The following AP3B1 variants were observed in gnomAD, a reference collection of about 807,000 sequenced individuals.
The protein encoded by AP3B1 is adaptor related protein complex 3 subunit beta 1.
AP3B1 carries 61 observed loss-of-function variants against 132.5 expected under a neutral mutation model. The observed-to-expected ratio is 0.46, with a 90% CI of 0.37 to 0.57. The LOEUF (loss-of-function observed/expected upper bound fraction) is 0.57, where lower values mean the gene tolerates loss of function less well. Ranked by LOEUF, AP3B1 falls within the 20% of genes least tolerant of loss-of-function variation. The pLI, the probability that AP3B1 is intolerant of heterozygous loss-of-function variation, is 0.00. For missense variants in AP3B1, 1,120 were observed against 1,289.4 expected (o/e 0.87, Z 2.01); for synonymous variants, 388 against 438.3 (o/e 0.89, Z 1.43).
intron 12 of AP3B1, among the ~76,000 whole-genome samples, chr5:78,163,456 A>G (rs1743472174): frequency 6.6e-6 from 1 of 152,090 alleles, no homozygotes; most frequent in South Asian, 2.1e-4. Flanking sequence ...AAAGAATAAT[A>G]GTTACGGTGA....
chr5:78,231,576 A>G (rs1294157378), intron 3 of AP3B1, among the ~76,000 whole-genome samples: 1 of 152,210 alleles, frequency 6.6e-6, no homozygotes, highest in East Asian at 1.9e-4. Context: ...ATCTAAATAG[A>G]CCACCAATTG....
rs917997628 is a variant in AP3B1 at position 78,148,951 on chromosome 5, T to A, written c.1473+7307A>T. Among the ~76,000 whole-genome samples, 3 of 152,270 alleles carry A rather than the reference T, an allele frequency of 2.0e-5. No homozygotes were observed. The South Asian group carries it at 6.2e-4, about 32-fold the overall frequency. ...GACTAGAGACACGACTGAATTTTGA[T>A]GCTTGGTGGATAGGAATGCTAGATG... On this transcript the variant is annotated intron_variant, in intron 14 of 26. Coordinates refer to ENST00000255194, the MANE Select transcript of AP3B1 (RefSeq NM_003664.5).
At chr5:78,205,712 T>C (rs1199646832) in intron 7 of AP3B1, among the ~76,000 whole-genome samples, 1 of 152,094 alleles carries the variant, frequency 6.6e-6, no homozygotes, top group East Asian at 1.9e-4. Flanking sequence ...GCATGTCAAA[T>C]GGATAACTAA....
At chr5:78,049,296 C>T (rs537283120) in intron 22 of AP3B1, among the ~76,000 whole-genome samples, 1 of 152,300 alleles carries the variant, frequency 6.6e-6, no homozygotes, top group Admixed American at 6.5e-5. Flanking sequence ...TTTCACAGCT[C>T]TCTGTCCAAT....
chr5:78,178,013 GA>G (rs1329403238), intron 8 of AP3B1, among the ~76,000 whole-genome samples: 1 of 150,742 alleles, frequency 6.6e-6, no homozygotes, highest in South Asian at 2.1e-4. Context: ...TACATCCTCA[GA>G]AAAAAAAAGA....
intron 6 of AP3B1, among the ~76,000 whole-genome samples, chr5:78,216,938 T>C (rs1412737831): frequency 6.6e-6 from 1 of 152,146 alleles, no homozygotes; most frequent in African/African-American, 2.4e-5. Context: ...TGAACTGTGA[T>C]GCTTTTACAA....
intron 7 of AP3B1, among the ~76,000 whole-genome samples, chr5:78,214,215 T>C (rs993227903): frequency 6.6e-6 from 1 of 152,232 alleles, no homozygotes; most frequent in African/African-American, 2.4e-5. Flanking sequence ...TCCTAATTCA[T>C]GTTCATGGAG....
At chr5:78,280,709 G>A (rs1749013296) in intron 1 of AP3B1, among the ~76,000 whole-genome samples, 1 of 152,040 alleles carries the variant, frequency 6.6e-6, no homozygotes, top group Admixed American at 6.6e-5. Context: ...AACTTTCCAA[G>A]GCCACAGAAG....
chr5:78,222,196 G>A (rs1746207849), intron 6 of AP3B1: 1 of 152,682 alleles, frequency 6.5e-6, no homozygotes, highest in Admixed American at 6.5e-5. Flanking sequence ...TGGCCAGTCA[G>A]TCTCAGGGGA....
intron 2 of AP3B1, among the ~76,000 whole-genome samples, chr5:78,259,705 C>T (rs1027094504): frequency 8.6e-5 from 13 of 152,040 alleles, no homozygotes; most frequent in South Asian, 2.1e-4. Context: ...CAGTGGCTCA[C>T]GCCTGTAATC....
chr5:78,146,386 C>T (rs1397748554), intron 14 of AP3B1, among the ~76,000 whole-genome samples: 1 of 152,194 alleles, frequency 6.6e-6, no homozygotes, highest in Non-Finnish European at 1.5e-5. Context: ...TCAGTTTCCT[C>T]AGATACGTTA....
chr5:78,191,784 A>C (rs1744844533), intron 7 of AP3B1, among the ~76,000 whole-genome samples: 1 of 152,214 alleles, frequency 6.6e-6, no homozygotes, highest in African/African-American at 2.4e-5. Flanking sequence ...GGTATCAAGA[A>C]GGGGGCTTAT....
At chr5:78,156,455 A>G in intron 13 of AP3B1, 88 bp from the exon 14 acceptor site, 1 of 999,486 alleles carries the variant, frequency 1.0e-6, no homozygotes, top group Admixed American at 1.8e-5. Context: ...TAAATTAGAA[A>G]AACATTCTAT....
intron 7 of AP3B1, among the ~76,000 whole-genome samples, chr5:78,195,245 A>G (rs1745034271): frequency 1.3e-5 from 2 of 152,206 alleles, no homozygotes. Flanking sequence ...AGCAGCCATG[A>G]GCTGATGAAC....
chr5:78,280,469 C>T (rs902095856), intron 1 of AP3B1, among the ~76,000 whole-genome samples: 38 of 152,290 alleles, frequency 2.5e-4, no homozygotes, highest in African/African-American at 7.5e-4. Context: ...CTGCTATTGG[C>T]ATGCCACAGT....
At chr5:78,247,933 A>G (rs867574624) in intron 2 of AP3B1, among the ~76,000 whole-genome samples, 1 of 152,078 alleles carries the variant, frequency 6.6e-6, no homozygotes, top group South Asian at 2.1e-4. Flanking sequence ...TTTTCCTTAG[A>G]AAATTTTTAG....
At chr5:78,252,501 C>T (rs1226403238) in intron 2 of AP3B1, among the ~76,000 whole-genome samples, 1 of 151,630 alleles carries the variant, frequency 6.6e-6, no homozygotes, top group African/African-American at 2.4e-5. Flanking sequence ...ATGAAAAGTA[C>T]TGCCAGAGTT....
At chr5:78,129,437 C>T (rs1305028966) in intron 15 of AP3B1, 130 bp from the exon 16 acceptor site, 2 of 820,252 alleles carry the variant, frequency 2.4e-6, no homozygotes, top group East Asian at 5.3e-5. Context: ...ATAGGGAATA[C>T]ACATTTCTAA....
At chr5:78,118,674 G>C (rs150715147) in intron 17 of AP3B1, among the ~76,000 whole-genome samples, 1 of 150,240 alleles carries the variant, frequency 6.7e-6, no homozygotes, top group Admixed American at 6.7e-5. Context: ...AAAGCAGCCA[G>C]GAAGCTCGAA....
Sources: gnomAD v4.1 joint callset for allele counts (sites outside exome capture counted in the v4.1 genomes callset) on GRCh38, gnomAD v4.1.1 for gene constraint, MANE v1.5 for transcripts, NCBI Gene and HGNC (gene_info 2026-07-23, HGNC 2026-07-21) for gene names.